Variants in UNC5D observed in about 807,000 individuals in gnomAD.
The protein encoded by UNC5D is netrin receptor UNC5D.
UNC5D carries 39 observed loss-of-function variants against 105.4 expected under a neutral mutation model. The ratio of observed to expected loss-of-function variants is 0.37; its 90% CI spans 0.29 to 0.48. UNC5D has a LOEUF of 0.48. Ranked by LOEUF, UNC5D falls within the 20% of genes least tolerant of loss-of-function variation. The probability of loss-of-function intolerance (pLI) is 0.98; values close to 1 mark genes in which losing one functional copy is unlikely to be tolerated. For synonymous variants in UNC5D, 452 were observed against 450.4 expected, an observed-to-expected ratio of 1.00 and a Z score of -0.04; for missense variants, 991 against 1,202.4, an observed-to-expected ratio of 0.82 and a Z score of 2.60.
chr8:35,686,846 TA>T (rs1563669305), intron 7 of UNC5D, 137 bp downstream of exon 7: 1 of 1,126,960 alleles, frequency 8.9e-7, no homozygotes, highest in Non-Finnish European at 1.2e-6. Context: ...ATAAATTAGG[TA>T]AAAAGTGCAG....
intron 11 of UNC5D, among the ~76,000 whole-genome samples, chr8:35,734,782 A>ATTTTTTTTTTTTTTTTTTTTT (rs1171276656): frequency 7.9e-6 from 1 of 126,724 alleles, no homozygotes; most frequent in African/African-American, 3.2e-5. Context: ...CACACTTTAA[A>ATTTTTTTTTTTTTTTTTTTTT]TTTTTTTTTT....
At chr8:35,355,489 T>G (rs1801502390) in intron 1 of UNC5D, among the ~76,000 whole-genome samples, 1 of 152,128 alleles carries the variant, frequency 6.6e-6, no homozygotes, top group Non-Finnish European at 1.5e-5. Flanking sequence ...TGCTTATCCT[T>G]TCTTCCATAG....
intron 4 of UNC5D, among the ~76,000 whole-genome samples, chr8:35,654,871 G>C (rs1235077733): frequency 6.6e-6 from 1 of 152,094 alleles, no homozygotes; most frequent in Admixed American, 6.6e-5. Flanking sequence ...TCATTCTTCT[G>C]CCCCTGGTTT....
chr8:35,363,169 G>A (rs1222441727), intron 1 of UNC5D, among the ~76,000 whole-genome samples: 2 of 152,056 alleles, frequency 1.3e-5, no homozygotes, highest in Non-Finnish European at 1.5e-5. Flanking sequence ...AGACATACCC[G>A]AGACTGGGCA....
intron 1 of UNC5D, among the ~76,000 whole-genome samples, chr8:35,289,923 T>C (rs1351197721): frequency 2.0e-5 from 3 of 152,042 alleles, no homozygotes; most frequent in Non-Finnish European, 2.9e-5. Context: ...CAGAGCAATA[T>C]AGTGAGGCTC....
Position 35,448,597 on chromosome 8 carries a change from G to T in UNC5D, c.104-100695G>T, listed in dbSNP as rs186711717. On this transcript the variant is annotated intron_variant, in intron 1 of 16. Coordinates refer to ENST00000404895, the MANE Select transcript of UNC5D (RefSeq NM_080872.4). ...GCAGAGGTGGGGCTCAGGAATCAGT[G>T]ATTTAAACCCTCATATTTCTTTTTA... Among the ~76,000 whole-genome samples the T allele has an allele frequency of 2.0e-5, 3 of 152,118 alleles. No individual in the cohort carries two copies. In the East Asian group the frequency reaches 5.8e-4, roughly 29 times the overall value.
intron 1 of UNC5D, among the ~76,000 whole-genome samples, chr8:35,428,016 C>T (rs1806360671): frequency 6.6e-6 from 1 of 152,036 alleles, no homozygotes; most frequent in South Asian, 2.1e-4. Flanking sequence ...TGTGGAAGCT[C>T]AATATTTGAT....
intron 1 of UNC5D, among the ~76,000 whole-genome samples, chr8:35,380,199 G>A (rs1802952479): frequency 8.1e-6 from 1 of 123,128 alleles, no homozygotes; most frequent in Non-Finnish European, 1.7e-5. Flanking sequence ...GACCGAGAGG[G>A]AGAGAGAGAG....
chr8:35,596,591 G>C (rs962854021), intron 4 of UNC5D, among the ~76,000 whole-genome samples: 6 of 152,034 alleles, frequency 3.9e-5, no homozygotes, highest in African/African-American at 1.4e-4. Flanking sequence ...AGCACAGTTT[G>C]GTTTTATACA....
At chr8:35,378,272 G>T (rs1325656808) in intron 1 of UNC5D, among the ~76,000 whole-genome samples, 1 of 152,120 alleles carries the variant, frequency 6.6e-6, no homozygotes. Context: ...TGCTAAAACA[G>T]AAAATTTTCT....
chr8:35,553,420 T>C (rs983862236), intron 2 of UNC5D, among the ~76,000 whole-genome samples: 3 of 152,052 alleles, frequency 2.0e-5, no homozygotes, highest in African/African-American at 7.2e-5. Context: ...AAAAAATTCA[T>C]AAATGACCAA....
chr8:35,707,839 G>A lies in UNC5D; in HGVS notation c.1117+1878G>A, dbSNP rs556024967. Among the ~76,000 whole-genome samples, 13 of 152,174 alleles carry A rather than the reference G, an allele frequency of 8.5e-5. 1 individual carries two copies. Among genetic ancestry groups the A allele is most frequent in the South Asian group, 4.1e-4 (2 of 4,824 alleles). ...GAATTAGTTTTTGCTTGGGGTTCTC[G>A]TTCCTGAGCACCATGCTTAATTGCT... On this transcript the variant is annotated intron_variant, in intron 8 of 16. Coordinates refer to ENST00000404895, the MANE Select transcript of UNC5D (RefSeq NM_080872.4).
At chr8:35,768,734 C>A (rs1449496199) in intron 15 of UNC5D, among the ~76,000 whole-genome samples, 1 of 152,170 alleles carries the variant, frequency 6.6e-6, no homozygotes, top group African/African-American at 2.4e-5. Context: ...ATAAACACAA[C>A]CTTATTGTTT....
chr8:35,327,960 G>C (rs1363253470), intron 1 of UNC5D, among the ~76,000 whole-genome samples: 2 of 152,188 alleles, frequency 1.3e-5, no homozygotes, highest in Admixed American at 1.3e-4. Context: ...GGGTTCATTT[G>C]TTAATTTTTG....
chr8:35,746,509 C>T (rs1402638407), intron 11 of UNC5D, among the ~76,000 whole-genome samples: 3 of 152,120 alleles, frequency 2.0e-5, no homozygotes, highest in Non-Finnish European at 4.4e-5. Flanking sequence ...ACTTACTCTG[C>T]ACGTAAGGAA....
intron 4 of UNC5D, among the ~76,000 whole-genome samples, chr8:35,639,884 G>A (rs1398147216): frequency 6.6e-6 from 1 of 151,682 alleles, no homozygotes. Context: ...CCCATGCCTG[G>A]CTATTTTTTT....
intron 4 of UNC5D, among the ~76,000 whole-genome samples, chr8:35,610,933 C>G (rs369640217): frequency 1.3e-5 from 2 of 150,382 alleles, no homozygotes; most frequent in African/African-American, 4.9e-5. Flanking sequence ...AATTAATTAG[C>G]CACTCTGACC....
chr8:35,321,489 G>A (rs1809738793), intron 1 of UNC5D, among the ~76,000 whole-genome samples: 1 of 152,088 alleles, frequency 6.6e-6, no homozygotes, highest in African/African-American at 2.4e-5. Flanking sequence ...CCTTGTGGAG[G>A]AGGTGTCTTG....
chr8:35,419,221 A>C (rs1805727107), intron 1 of UNC5D, among the ~76,000 whole-genome samples: 1 of 152,176 alleles, frequency 6.6e-6, no homozygotes, highest in East Asian at 1.9e-4. Flanking sequence ...CTTTGTGACC[A>C]GCTAATTGAC....
Sources: gnomAD v4.1 joint callset for allele counts (sites outside exome capture counted in the v4.1 genomes callset) on GRCh38, gnomAD v4.1.1 for gene constraint, MANE v1.5 for transcripts, NCBI Gene and HGNC (gene_info 2026-07-23, HGNC 2026-07-21) for gene names.